The following NPHS1 variants were observed in gnomAD, a reference collection of about 807,000 sequenced individuals.
NPHS1 encodes the protein NPHS1 adhesion molecule, nephrin, also known as nephrin.
Under a neutral mutation model 139.7 loss-of-function variants are expected in NPHS1, and 107 were observed. The observed-to-expected ratio is 0.77, with a 90% CI of 0.66 to 0.90. The LOEUF (loss-of-function observed/expected upper bound fraction) is 0.90, where lower values mean the gene tolerates loss of function less well. Among genes scored for constraint, NPHS1 ranks in the 40% least tolerant of loss-of-function variants. The probability of loss-of-function intolerance (pLI) is 0.00; values close to 1 mark genes in which losing one functional copy is unlikely to be tolerated. For missense variants in NPHS1, 1,580 were observed against 1,654.2 expected (o/e 0.96, Z 0.78); for synonymous variants, 707 against 706.6 (o/e 1.00, Z -0.01).
rs1052979868 is a variant in NPHS1 at position 35,848,384 on chromosome 19, C to T, written c.1184G>A (p.Gly395Asp). ...TGTCAGGTTGGACATGGAGATGTGACCGCCATGCAGTCCCTGGCAGGGAGT... is the reference window on the plus strand; with the variant it reads ...TGTCAGGTTGGACATGGAGATGTGATCGCCATGCAGTCCCTGGCAGGGAGT... ...EETVMDGLHG[G>D]HISMSNLTFL... is the part of the protein sequence containing the mutation. The change falls in exon 10 of 29, where the codon GGT (glycine) becomes GAT (aspartate). Residue 395 changes from glycine (G) to aspartate (D), a missense_variant. Transcript: ENST00000378910. The T allele has an allele frequency of 6.2e-7, 1 of 1,614,142 alleles. No homozygotes were observed. The highest frequency in any genetic ancestry group is 8.5e-7 in the Non-Finnish European group (1 of 1,180,020).
intron 28 of NPHS1, among the ~76,000 whole-genome samples, chr19:35,827,171 G>A (rs537793201): frequency 7.9e-5 from 12 of 151,024 alleles, no homozygotes; most frequent in East Asian, 3.9e-4. Flanking sequence ...TTTTAAAGAC[G>A]AGGTTTCCAT....
chr19:35,836,756 A>T (rs1359322138), intron 22 of NPHS1, among the ~76,000 whole-genome samples: 1 of 152,014 alleles, frequency 6.6e-6, no homozygotes, highest in Admixed American at 6.6e-5. Context: ...GCACTTTGAG[A>T]GACTGAGGCA....
intron 5 of NPHS1, 40 bp from the exon 6 acceptor site, chr19:35,849,693 T>C (rs1459218645): frequency 2.6e-6 from 4 of 1,515,548 alleles, no homozygotes; most frequent in Non-Finnish European, 3.7e-6. Flanking sequence ...AGAGTCATCA[T>C]CTGAAATTTG....
At position 35,849,007 on chromosome 19, in the gene NPHS1, G is replaced by A; in HGVS notation, c.981C>T (p.Thr327=). ...CEAHNSVSAG[T]QEHGITLQVT... is the part of the protein sequence containing the mutation. ...CCTGCAGTGTGATGCCGTGCTCCTG[G>A]GTCCCTGCAGACACGCTGTTGTGGG... The change falls in exon 8 of 29, where the codon ACC becomes ACT. Residue 327 remains threonine, a synonymous_variant. Transcript: ENST00000378910. 1 of 1,612,192 alleles carries A rather than the reference G, an allele frequency of 6.2e-7. No individual in the cohort carries two copies. The highest frequency in any genetic ancestry group is 8.5e-7 in the Non-Finnish European group (1 of 1,180,032).
In NPHS1 at chr19:35,826,275, A is replaced by G; in HGVS notation, c.*239T>C. 1 of 527,664 alleles carries G rather than the reference A, an allele frequency of 1.9e-6. No homozygotes were observed. Among genetic ancestry groups the G allele is most frequent in the Non-Finnish European group, 3.4e-6 (1 of 292,012 alleles). The allele number at this position is 527,664 out of a possible 1,614,324, so 32.7% of individuals were successfully genotyped here. Reference sequence around the variant, plus strand: ...TTTCATTTTTGAGACGACGTTTACAATCTGCCCTGTCCTTTTGGAGAAGTT... The same window carrying G: ...TTTCATTTTTGAGACGACGTTTACAGTCTGCCCTGTCCTTTTGGAGAAGTT... On this transcript the variant is annotated 3_prime_UTR_variant, in exon 29 of 29. Transcript: ENST00000378910.
At position 35,843,550 on chromosome 19, in the gene NPHS1, G is replaced by A. The variant is rs530683414; in HGVS notation, c.2256C>T (p.Asn752=). 2.9e-5 allele frequency: 47 copies of A among 1,614,122 alleles called. No individual in the cohort carries two copies. In the South Asian group the frequency reaches 3.5e-4, roughly 12 times the overall value. The change falls in exon 17 of 29, where the codon AAC becomes AAT. Residue 752 remains asparagine (N), a synonymous_variant. Transcript: ENST00000378910. The part of the protein sequence containing the change: ...IRALQDPTEV[N]VGGSVDIVCT... ...AGACTATGTCCACAGAACCCCCGAC[G>A]TTCACCTCAGTGGGGTCCTGGAGGG...
rs184898050 is a variant in NPHS1, at chr19:35,839,623, T to C, written c.2816-16A>G. 610 of 1,595,570 alleles carry C rather than the reference T, an allele frequency of 3.8e-4. 2 individuals carry two copies. In the African/African-American group the frequency reaches 6.7e-3, roughly 17 times the overall value. On this transcript the variant is annotated splice_polypyrimidine_tract_variant and intron_variant, in intron 20 of 28. Coordinates refer to ENST00000378910, the MANE Select transcript of NPHS1 (RefSeq NM_004646.4). ...TCAGGGCGGCCTATGGGGAGAAAGA[T>C]GGGAAAGCAGTCAGAGGATACAAAA...
In NPHS1 at chr19:35,827,873, T is replaced by C. The variant is rs1426450923; in HGVS notation, c.3595-1228A>G. Among the ~76,000 whole-genome samples, 8 of 152,256 alleles carry C rather than the reference T, an allele frequency of 5.3e-5. No homozygotes were observed. In the East Asian group the frequency reaches 7.7e-4, roughly 15 times the overall value. On this transcript the variant is annotated intron_variant, in intron 28 of 28. Transcript: ENST00000378910. ...TGGAGGTTGCAGTGAGCTGAGATTG[T>C]GCTACTGCACTCCAGCCTGGGTTAC... is the stretch of plus-strand genomic sequence containing the variant.
At chr19:35,850,328 G>A in intron 5 of NPHS1, 36 bp downstream of exon 5, 2 of 1,566,852 alleles carry the variant, frequency 1.3e-6, no homozygotes, top group Non-Finnish European at 1.8e-6. Flanking sequence ...GGGAAAATTA[G>A]GGGTCAAGGT....
At position 35,829,286 on chromosome 19, in the gene NPHS1, C is replaced by G. The variant is rs573715539; in HGVS notation, c.3594+1558G>C. 2.0e-5 allele frequency among the ~76,000 whole-genome samples: 3 copies of G among 152,340 alleles called. No homozygotes were observed. The South Asian group carries it at 6.2e-4, about 32-fold the overall frequency. On this transcript the variant is annotated intron_variant, in intron 28 of 28. Coordinates refer to ENST00000378910, the MANE Select transcript of NPHS1 (RefSeq NM_004646.4). Reference sequence around the variant, plus strand: ...CCAAGCTAGACCAATTAAGTGTCAGCATTGGGCATTTGGGGCCACTGGAAA... The same window carrying G: ...CCAAGCTAGACCAATTAAGTGTCAGGATTGGGCATTTGGGGCCACTGGAAA...
chr19:35,831,409 C>T (rs994821349), intron 25 of NPHS1, 38 bp from the exon 26 acceptor site: 2 of 1,611,984 alleles, frequency 1.2e-6, no homozygotes, highest in Non-Finnish European at 1.7e-6. Flanking sequence ...TTGAGTGCTG[C>T]CCCCCGCCAC....
At chr19:35,842,708 C>T (rs1973079683) in intron 17 of NPHS1, among the ~76,000 whole-genome samples, 158 bp from the exon 18 acceptor site, 1 of 152,162 alleles carries the variant, frequency 6.6e-6, no homozygotes, top group South Asian at 2.1e-4. Flanking sequence ...TATCCATTTA[C>T]TCAATCCATC....
chr19:35,852,097 C>CTT lies in NPHS1; in HGVS notation c.-262_-261dup, dbSNP rs10566018. ...TTTTTTTCTTTTTTCTTTTTTTTTT[C>CTT]TTTTTTTTTTTTTTAGAGACGGGGT... On this transcript the variant is annotated 5_prime_UTR_variant, in exon 1 of 29. Coordinates refer to ENST00000378910, the MANE Select transcript of NPHS1 (RefSeq NM_004646.4). Among the ~76,000 whole-genome samples the CTT allele has an allele frequency of 3.3e-5, 4 of 121,602 alleles. No homozygotes were observed. The highest frequency in any genetic ancestry group is 2.7e-4 in the South Asian group (1 of 3,692). The allele number at this position is 121,602 out of a possible 152,430, so 79.8% of individuals were successfully genotyped here.
rs1304508551 is a variant in NPHS1 at position 35,849,607 on chromosome 19, C to T, written c.655G>A (p.Ala219Thr). 6 of 1,613,942 alleles carry T rather than the reference C, an allele frequency of 3.7e-6. No individual in the cohort carries two copies. Among genetic ancestry groups the T allele is most frequent in the Admixed American group, 3.3e-5 (2 of 60,006 alleles). The change falls in exon 6 of 29, where the codon GCG becomes ACG. Residue 219 changes from alanine to threonine, a missense_variant. By Grantham distance (58) the Ala-to-Thr change is moderately conservative. Coordinates refer to ENST00000378910, the MANE Select transcript of NPHS1 (RefSeq NM_004646.4). ...SDNRQLLVCE[A>T]SSPALEAPIK... ...GGGGCCTCCAGTGCTGGGCTAGACG[C>T]CTCACAGACCAGCAACTGCCTATTA... is the stretch of plus-strand genomic sequence containing the variant.
Position 35,831,035 on chromosome 19 carries a change from G to C in NPHS1, c.3481+18C>G, listed in dbSNP as rs1194311848. On this transcript the variant is annotated intron_variant, in intron 27 of 28. Coordinates refer to ENST00000378910, the MANE Select transcript of NPHS1 (RefSeq NM_004646.4). Reference sequence around the variant, plus strand: ...GGGTACCTCTGAGTGAGGGAATCCTGACATGGTCCTAACTCACCTCGGGAA... The same window carrying C: ...GGGTACCTCTGAGTGAGGGAATCCTCACATGGTCCTAACTCACCTCGGGAA... 1 of 1,612,964 alleles carries C rather than the reference G, an allele frequency of 6.2e-7. No homozygotes were observed. The highest frequency in any genetic ancestry group is 1.1e-5 in the South Asian group (1 of 91,022).
At chr19:35,839,742 G>T in intron 20 of NPHS1, 135 bp from the exon 21 acceptor site, 3 of 748,206 alleles carry the variant, frequency 4.0e-6, no homozygotes, top group Non-Finnish European at 6.9e-6. Context: ...GTTCTGTAAG[G>T]TCATGGTGAA....
At chr19:35,838,436 C>T (rs1302528365) in intron 22 of NPHS1, among the ~76,000 whole-genome samples, 1 of 151,928 alleles carries the variant, frequency 6.6e-6, no homozygotes, top group Admixed American at 6.6e-5. Context: ...GCCTGTAATC[C>T]CAGCTACTTA....
chr19:35,849,203 C>T (rs373760560), intron 7 of NPHS1, 33 bp downstream of exon 7: 6 of 1,613,256 alleles, frequency 3.7e-6, no homozygotes, highest in Non-Finnish European at 4.2e-6. Context: ...ACCCCACTGT[C>T]CCCCCATTCC....
At position 35,845,487 on chromosome 19, in the gene NPHS1, G is replaced by T. The variant is rs114651018; in HGVS notation, c.1811C>A (p.Ala604Asp). The T allele has an allele frequency of 6.2e-7, 1 of 1,613,868 alleles. No individual in the cohort carries two copies. Among genetic ancestry groups the T allele is most frequent in the East Asian group, 2.2e-5 (1 of 44,864 alleles). The change falls in exon 14 of 29, where the codon GCC (alanine) becomes GAC (aspartate). Residue 604 changes from alanine (A) to aspartate (D), a missense_variant. Coordinates refer to ENST00000378910, the MANE Select transcript of NPHS1 (RefSeq NM_004646.4). This position sits in a 1 kb window ranked among gnomAD's most constrained non-coding sequence, Gnocchi z 5.5. Reference protein sequence around the residue: ...PRRAPFKGSAAARSVLLQVSS... With the variant: ...PRRAPFKGSADARSVLLQVSS... ...CACTTGCAGAAGGACGCTCCTGGCG[G>T]CGGCGGAGCCTTTGAATGGGGCTCT...
Sources: allele counts gnomAD v4.1 joint callset (sites outside exome capture counted in the v4.1 genomes callset), GRCh38; gene constraint gnomAD v4.1.1; non-coding constraint Gnocchi (gnomAD v3.1); transcripts MANE v1.5; gene names NCBI Gene and HGNC (gene_info 2026-07-23, HGNC 2026-07-21).